PRKG1: variants seen among roughly 807,000 people sequenced by gnomAD.
PRKG1 encodes the protein protein kinase cGMP-dependent 1.
PRKG1 carries 35 observed loss-of-function variants against 88.1 expected under a neutral mutation model. That is an observed-to-expected ratio of 0.40 (90% confidence interval 0.30 to 0.53). The LOEUF is 0.53. PRKG1 is among the 20% of genes least tolerant of loss of function. The probability of loss-of-function intolerance (pLI) is 0.59; values close to 1 mark genes in which losing one functional copy is unlikely to be tolerated. For synonymous variants in PRKG1, 303 were observed against 292.5 expected (o/e 1.04, Z -0.37); for missense variants, 540 against 839.8 (o/e 0.64, Z 4.41).
At chr10:51,306,768 G>A (rs1264109245) in intron 2 of PRKG1, 1 of 152,176 alleles carries the variant, frequency 6.6e-6, no homozygotes, top group African/African-American at 2.4e-5. Flanking sequence ...GGAGCTTACA[G>A]AGTATTTTGC....
chr10:51,359,088 T>C (rs1842425885), intron 2 of PRKG1, among the ~76,000 whole-genome samples: 1 of 151,890 alleles, frequency 6.6e-6, no homozygotes, highest in Non-Finnish European at 1.5e-5. Flanking sequence ...CAGGATACTT[T>C]ATTAATGGTT....
chr10:51,022,761 A>G (rs1254259413), intron 1 of PRKG1, among the ~76,000 whole-genome samples: 1 of 152,254 alleles, frequency 6.6e-6, no homozygotes, highest in Non-Finnish European at 1.5e-5. Flanking sequence ...ATAGAAGTGT[A>G]TATTAATTGA....
intron 1 of PRKG1, among the ~76,000 whole-genome samples, chr10:51,148,717 A>G (rs1487953925): frequency 1.3e-5 from 2 of 152,176 alleles, no homozygotes; most frequent in Non-Finnish European, 2.9e-5. Context: ...TGTAAGCTTT[A>G]TGAGACAGTG....
intron 2 of PRKG1, among the ~76,000 whole-genome samples, chr10:51,325,024 A>G (rs928369199): frequency 1.3e-5 from 2 of 152,152 alleles, no homozygotes; most frequent in Admixed American, 1.3e-4. Context: ...CCCTTTCTTT[A>G]CATCCTCTCC....
intron 2 of PRKG1, among the ~76,000 whole-genome samples, chr10:51,241,260 G>A (rs775951606): frequency 2.0e-5 from 3 of 151,686 alleles, no homozygotes; most frequent in Non-Finnish European, 4.4e-5. Flanking sequence ...AATAGTCACG[G>A]CGTCATGGCA....
chr10:51,319,998 C>A, intron 2 of PRKG1: 1 of 222,750 alleles, frequency 4.5e-6, no homozygotes, highest in South Asian at 9.2e-5. Context: ...GTGGTGCCAC[C>A]AAACACAGCA....
chr10:51,742,292 G>T (rs1269467433), intron 3 of PRKG1, among the ~76,000 whole-genome samples: 1 of 152,148 alleles, frequency 6.6e-6, no homozygotes, highest in Non-Finnish European at 1.5e-5. Context: ...CTTAATATCT[G>T]AGGACCTGCT....
At chr10:51,210,283 AC>A (rs1223549226) in intron 2 of PRKG1, among the ~76,000 whole-genome samples, 1 of 152,224 alleles carries the variant, frequency 6.6e-6, no homozygotes, top group African/African-American at 2.4e-5. Flanking sequence ...CAAAGACACA[AC>A]ATACCAGAAT....
intron 1 of PRKG1, among the ~76,000 whole-genome samples, chr10:51,041,989 C>G (rs940944902): frequency 2.0e-5 from 3 of 152,146 alleles, no homozygotes; most frequent in African/African-American, 7.2e-5. Context: ...CCTGCCTGAA[C>G]CTGAGTCTCC....
intron 3 of PRKG1, among the ~76,000 whole-genome samples, chr10:51,534,382 C>T (rs917868049): frequency 6.6e-6 from 1 of 151,730 alleles, no homozygotes; most frequent in Admixed American, 6.6e-5. Context: ...TGAAAGGCGG[C>T]TCTGGGCTGG....
chr10:51,862,192 A>G (rs932882296), intron 4 of PRKG1, among the ~76,000 whole-genome samples: 10 of 152,150 alleles, frequency 6.6e-5, no homozygotes, highest in African/African-American at 2.2e-4. Context: ...TAGCTCATTC[A>G]TGTTACAGCT....
chr10:51,001,412 A>G (rs1235766669), intron 1 of PRKG1, among the ~76,000 whole-genome samples: 1 of 152,246 alleles, frequency 6.6e-6, no homozygotes, highest in East Asian at 1.9e-4. Flanking sequence ...ACAATTTGGA[A>G]AAAGTTTGGA....
chr10:51,600,786 T>C (rs1378846530), intron 3 of PRKG1, among the ~76,000 whole-genome samples: 1 of 152,180 alleles, frequency 6.6e-6, no homozygotes, highest in African/African-American at 2.4e-5. Flanking sequence ...ATTAGACATA[T>C]CAAGCTTTAG....
intron 3 of PRKG1, among the ~76,000 whole-genome samples, chr10:51,602,762 GTGTGTGTGTGTGTGTGTGTA>G (rs1242675376): frequency 7.5e-6 from 1 of 132,740 alleles, no homozygotes; most frequent in Non-Finnish European, 1.5e-5. Flanking sequence ...GTGTGTGTGT[GTGTGTGTGTGTGTGTGTGTA>G]TATATTCATA....
At chr10:51,697,534 A>G in intron 3 of PRKG1, 1 of 748,936 alleles carries the variant, frequency 1.3e-6, no homozygotes, top group Non-Finnish European at 2.1e-6. Flanking sequence ...CAATTAAAAA[A>G]AAAAGGAAAA....
chr10:51,865,310 A>G (rs1335751580), intron 4 of PRKG1, among the ~76,000 whole-genome samples: 8 of 152,116 alleles, frequency 5.3e-5, no homozygotes, highest in Non-Finnish European at 8.8e-5. Context: ...ATTAAACTCA[A>G]CATCAGAGAG....
intron 2 of PRKG1, among the ~76,000 whole-genome samples, chr10:51,188,655 G>C (rs575735680): frequency 6.6e-6 from 1 of 151,936 alleles, no homozygotes; most frequent in South Asian, 2.1e-4. Flanking sequence ...TGAAATTGTG[G>C]GAGCCTGGTG....
chr10:52,151,922 G>T (rs1837938198), intron 8 of PRKG1, among the ~76,000 whole-genome samples: 1 of 152,030 alleles, frequency 6.6e-6, no homozygotes, highest in Admixed American at 6.6e-5. Context: ...TTTCATTATG[G>T]TCTAAAATAA....
At chr10:51,651,133 C>G (rs1382950133) in intron 3 of PRKG1, among the ~76,000 whole-genome samples, 1 of 152,134 alleles carries the variant, frequency 6.6e-6, no homozygotes, top group African/African-American at 2.4e-5. Context: ...CTCAGAATAT[C>G]AATACTATAC....
Sources: allele counts gnomAD v4.1 joint callset (sites outside exome capture counted in the v4.1 genomes callset), GRCh38; gene constraint gnomAD v4.1.1; transcripts MANE v1.5; gene names NCBI Gene and HGNC (gene_info 2026-07-23, HGNC 2026-07-21).